The following DMXL2 variants were observed in gnomAD, a reference collection of about 807,000 sequenced individuals.
DMXL2 encodes dmX-like protein 2.
In DMXL2, 103 loss-of-function variants were observed where a neutral mutation model predicts 331.1. The observed-to-expected ratio is 0.31, with a 90% CI of 0.27 to 0.37. The LOEUF is 0.37. Ranked by LOEUF, DMXL2 falls within the 10% of genes least tolerant of loss-of-function variation. The pLI is 1.00. For missense variants in DMXL2, 3,171 were observed against 3,642.9 expected, an observed-to-expected ratio of 0.87 and a Z score of 3.33; for synonymous variants, 1,281 against 1,252.1, an observed-to-expected ratio of 1.02 and a Z score of -0.49.
chr15:51,553,851 T>C (rs1488387362), intron 6 of DMXL2, among the ~76,000 whole-genome samples: 1 of 152,150 alleles, frequency 6.6e-6, no homozygotes, highest in Non-Finnish European at 1.5e-5. Context: ...TAATTTATTG[T>C]TTATTTTATT....
intron 1 of DMXL2, among the ~76,000 whole-genome samples, chr15:51,615,439 G>A (rs548757181): frequency 6.6e-6 from 1 of 152,258 alleles, no homozygotes; most frequent in East Asian, 1.9e-4. Flanking sequence ...GACATTTTGG[G>A]CTTGGTAACT....
At chr15:51,595,700 T>G (rs897013577) in intron 1 of DMXL2, among the ~76,000 whole-genome samples, 1 of 152,164 alleles carries the variant, frequency 6.6e-6, no homozygotes, top group Non-Finnish European at 1.5e-5. Context: ...CAAAACAGTA[T>G]GGTACTGGTA....
chr15:51,587,259 C>T (rs1392626240), intron 1 of DMXL2, among the ~76,000 whole-genome samples: 1 of 152,158 alleles, frequency 6.6e-6, no homozygotes, highest in Non-Finnish European at 1.5e-5. Context: ...TGTTGGTGTG[C>T]TGCACCCATT....
At chr15:51,611,568 A>C (rs998727042) in intron 1 of DMXL2, among the ~76,000 whole-genome samples, 1 of 152,182 alleles carries the variant, frequency 6.6e-6, no homozygotes, top group African/African-American at 2.4e-5. Flanking sequence ...CTACAAGGGC[A>C]TATGTTACTT....
At chr15:51,520,092 A>G (rs2047271648) in intron 13 of DMXL2, among the ~76,000 whole-genome samples, 1 of 152,212 alleles carries the variant, frequency 6.6e-6, no homozygotes, top group South Asian at 2.1e-4. Flanking sequence ...AGCCATTCAC[A>G]TTCTATGCTA....
intron 29 of DMXL2, among the ~76,000 whole-genome samples, chr15:51,469,795 T>C (rs1332155941): frequency 1.3e-5 from 2 of 152,220 alleles, no homozygotes; most frequent in East Asian, 3.8e-4. Context: ...TTAAGAGTAC[T>C]TTATTATTTC....
At chr15:51,504,752 T>A (rs1019511749) in intron 16 of DMXL2, among the ~76,000 whole-genome samples, 2 of 152,060 alleles carry the variant, frequency 1.3e-5, no homozygotes, top group Non-Finnish European at 2.9e-5. Context: ...GAAGACAGAG[T>A]CCCACTCCTG....
Position 51,460,440 on chromosome 15 carries a change from G to T in DMXL2, c.7927-780C>A, listed in dbSNP as rs1358349321. 8.0e-6 allele frequency: 7 copies of T among 870,520 alleles called. No individual in the cohort carries two copies. The African/African-American group carries it at 1.3e-4, about 16-fold the overall frequency. 53.9% of individuals were successfully genotyped at this position (870,520 alleles called of 1,614,324 possible). ...GTCAATGTGTGGCACAGCTAACTCA[G>T]TGAAGGCCAAACTGCTGAAGAATCT... On this transcript the variant is annotated intron_variant, in intron 33 of 43. Transcript: ENST00000560891.
At position 51,486,058 on chromosome 15, in the gene DMXL2, C is replaced by A; in HGVS notation, c.5482+15G>T. On this transcript the variant is annotated intron_variant, in intron 23 of 43. Coordinates refer to ENST00000560891, the MANE Select transcript of DMXL2 (RefSeq NM_001378457.1). Reference sequence around the variant, plus strand: ...CTTTAAAAAAGAAAAAAAAGAAATCCACAAAACGTCCTACCTTGATGTTCA... The same window carrying A: ...CTTTAAAAAAGAAAAAAAAGAAATCAACAAAACGTCCTACCTTGATGTTCA... 2 of 1,533,256 alleles carry A rather than the reference C, an allele frequency of 1.3e-6. No individual in the cohort carries two copies. The highest frequency in any genetic ancestry group is 4.6e-5 in the East Asian group (2 of 43,380). The allele number at this position is 1,533,256 out of a possible 1,614,324, so 95.0% of individuals were successfully genotyped here.
chr15:51,498,111 A>G (rs1043368496), intron 18 of DMXL2, among the ~76,000 whole-genome samples: 2 of 152,120 alleles, frequency 1.3e-5, no homozygotes, highest in African/African-American at 4.8e-5. Flanking sequence ...ATGGTGGTGC[A>G]CACCTGTGGT....
intron 1 of DMXL2, among the ~76,000 whole-genome samples, chr15:51,591,471 G>T (rs935715241): frequency 6.6e-6 from 1 of 152,200 alleles, no homozygotes; most frequent in Non-Finnish European, 1.5e-5. Context: ...AGTTCAAGGA[G>T]GCCTGCCTGC....
intron 33 of DMXL2, among the ~76,000 whole-genome samples, chr15:51,462,638 T>C (rs2040228270): frequency 6.6e-6 from 1 of 152,216 alleles, no homozygotes; most frequent in African/African-American, 2.4e-5. Context: ...TGCCCGGCCA[T>C]GTTTGCCAAA....
chr15:51,596,388 T>C (rs1382788573), intron 1 of DMXL2, among the ~76,000 whole-genome samples: 1 of 152,136 alleles, frequency 6.6e-6, no homozygotes, highest in Admixed American at 6.5e-5. Context: ...CTCACACCAG[T>C]TAGAATGGCG....
Position 51,622,349 on chromosome 15 carries a change from C to A in DMXL2, c.87+110G>T, listed in dbSNP as rs2054704836. ...GGCTGCAAAGGGGCCACGGGTGGGG[C>A]CCACCAACATCTCACAGCCTCCTGA... On this transcript the variant is annotated intron_variant, in intron 1 of 43. Transcript: ENST00000560891. 3 of 1,430,862 alleles carry A rather than the reference C, an allele frequency of 2.1e-6. No homozygotes were observed. The Admixed American group carries it at 6.4e-5, about 31-fold the overall frequency. The allele number at this position is 1,430,862 out of a possible 1,614,324, so 88.6% of individuals were successfully genotyped here.
intron 1 of DMXL2, among the ~76,000 whole-genome samples, chr15:51,599,984 C>A (rs1344225428): frequency 6.6e-6 from 1 of 151,828 alleles, no homozygotes; most frequent in East Asian, 1.9e-4. Context: ...CAGGTGTGAC[C>A]CATTGCACCC....
intron 13 of DMXL2, among the ~76,000 whole-genome samples, chr15:51,517,483 T>C (rs1355008731): frequency 6.6e-6 from 1 of 152,232 alleles, no homozygotes; most frequent in African/African-American, 2.4e-5. Flanking sequence ...TCTGCAGATG[T>C]GCAATGCCAT....
rs2047073567 is a variant in DMXL2 at position 51,517,008 on chromosome 15, A to G, written c.2526+70T>C. On this transcript the variant is annotated intron_variant, in intron 14 of 43. Transcript: ENST00000560891. The stretch of plus-strand genomic sequence containing the variant: ...AAGAAAATTATTCTGAGAATGACAT[A>G]TATCATATACATATAAAACACCATG... 4 of 1,169,130 alleles carry G rather than the reference A, an allele frequency of 3.4e-6. No individual in the cohort carries two copies. In the Admixed American group the frequency reaches 7.4e-5, roughly 22 times the overall value. 72.4% of individuals were successfully genotyped at this position (1,169,130 alleles called of 1,614,324 possible).
chr15:51,502,992 C>T lies in DMXL2; in HGVS notation c.2806G>A (p.Val936Ile), dbSNP rs139439554. Reference sequence around the variant, plus strand: ...GAATCTACGTTCTTCTGTCCAGGGACTGAAAGTAGACTCTCAGAGGAAGCC... The same window carrying T: ...GAATCTACGTTCTTCTGTCCAGGGATTGAAAGTAGACTCTCAGAGGAAGCC... Reference protein sequence around the residue: ...EGASSESLLSVPGQKNVDSSP... With the variant: ...EGASSESLLSIPGQKNVDSSP... The change falls in exon 17 of 44, where the codon GTC becomes ATC. Residue 936 changes from valine to isoleucine, a missense_variant. This residue lies in a region of DMXL2 where 1,674 missense variants were observed against 1,780.2 expected (regional missense o/e 0.94). Transcript: ENST00000560891. 5.2e-5 allele frequency: 84 copies of T among 1,613,870 alleles called. No individual in the cohort carries two copies. In the African/African-American group the frequency reaches 9.7e-4, roughly 19 times the overall value.
intron 19 of DMXL2, among the ~76,000 whole-genome samples, chr15:51,494,166 T>G (rs2042998833): frequency 6.6e-6 from 1 of 152,166 alleles, no homozygotes; most frequent in Non-Finnish European, 1.5e-5. Context: ...AAAAAATACC[T>G]CAGCAAAATC....
Sources: allele counts gnomAD v4.1 joint callset (sites outside exome capture counted in the v4.1 genomes callset), GRCh38; gene constraint gnomAD v4.1.1; regional missense constraint gnomAD v4.1.1; transcripts MANE v1.5; gene names NCBI Gene and HGNC (gene_info 2026-07-23, HGNC 2026-07-21).